Variants in GNG7 observed in about 807,000 individuals in gnomAD.
GNG7 encodes the protein guanine nucleotide-binding protein G(I)/G(S)/G(O) subunit gamma-7.
In GNG7, 1 loss-of-function variant was observed where a neutral mutation model predicts 4.0. The observed-to-expected ratio is 0.25, with a 90% CI of 0.09 to 1.18. The LOEUF (loss-of-function observed/expected upper bound fraction) is 1.18. GNG7 is among the 50% of genes most tolerant of loss of function. The pLI, the probability that GNG7 is intolerant of heterozygous loss-of-function variation, is 0.50. For synonymous variants in GNG7, 34 were observed against 36.9 expected (o/e 0.92, Z 0.29); for missense variants, 86 against 91.9 (o/e 0.94, Z 0.26).
intron 2 of GNG7, among the ~76,000 whole-genome samples, chr19:2,596,896 CT>C (rs904316336): frequency 7.2e-5 from 11 of 152,080 alleles, no homozygotes; most frequent in Non-Finnish European, 1.5e-4. Flanking sequence ...ACAAATTTTA[CT>C]TTTTTTATGG....
chr19:2,596,580 G>A (rs1333488392), intron 2 of GNG7, among the ~76,000 whole-genome samples: 1 of 151,678 alleles, frequency 6.6e-6, no homozygotes, highest in Non-Finnish European at 1.5e-5. Flanking sequence ...GAGGTGGGAG[G>A]ATCGCTTGAG....
intron 1 of GNG7, among the ~76,000 whole-genome samples, chr19:2,658,133 T>C (rs1983043911): frequency 6.6e-6 from 1 of 152,092 alleles, no homozygotes; most frequent in African/African-American, 2.4e-5. Context: ...CTTTGTCTTG[T>C]GTCTTTATTT....
intron 3 of GNG7, among the ~76,000 whole-genome samples, chr19:2,527,971 T>C (rs1312645357): frequency 1.3e-5 from 2 of 151,866 alleles, no homozygotes; most frequent in Admixed American, 1.3e-4. Flanking sequence ...AAATAAATGG[T>C]ACTGAATGAA....
chr19:2,625,234 A>G (rs1981987132), intron 2 of GNG7, among the ~76,000 whole-genome samples: 1 of 152,038 alleles, frequency 6.6e-6, no homozygotes, highest in African/African-American at 2.4e-5. Context: ...GCACCCGGCT[A>G]ATTTTTAAAA....
At chr19:2,521,140 C>T (rs1157663728) in intron 3 of GNG7, among the ~76,000 whole-genome samples, 3 of 151,396 alleles carry the variant, frequency 2.0e-5, no homozygotes. Context: ...GTGGTGGGTG[C>T]CTATAGTCCC....
At chr19:2,582,627 T>G (rs1489269959) in intron 2 of GNG7, among the ~76,000 whole-genome samples, 1 of 148,626 alleles carries the variant, frequency 6.7e-6, no homozygotes, top group Admixed American at 6.9e-5. Context: ...GGACTACAGG[T>G]GCATGCCACC....
chr19:2,681,439 T>C (rs1021924065), intron 1 of GNG7, among the ~76,000 whole-genome samples: 3 of 152,164 alleles, frequency 2.0e-5, no homozygotes, highest in Admixed American at 2.0e-4. Flanking sequence ...CGCCTCGGCC[T>C]CCCAAAGTGC....
Position 2,603,089 on chromosome 19 carries a change from G to T in GNG7, c.-78+43135C>A, listed in dbSNP as rs576194047. Reference sequence around the variant, plus strand: ...GTTCTGTTCTGTTCTTTTTTTTGATGGAGTTTCGCTCTTGTTGCCCAGGCT... The same window carrying T: ...GTTCTGTTCTGTTCTTTTTTTTGATTGAGTTTCGCTCTTGTTGCCCAGGCT... On this transcript the variant is annotated intron_variant, in intron 2 of 4. Transcript: ENST00000382159. 2.1e-5 allele frequency among the ~76,000 whole-genome samples: 3 copies of T among 144,478 alleles called. No individual in the cohort carries two copies. In the South Asian group the frequency reaches 6.6e-4, roughly 32 times the overall value. The allele number at this position is 144,478 out of a possible 152,430, so 94.8% of individuals were successfully genotyped here. A position where few individuals can be genotyped will look rare whatever the true frequency, so the allele number is the denominator to read the frequency against.
At chr19:2,550,207 C>T (rs112069517) in intron 3 of GNG7, among the ~76,000 whole-genome samples, 85 of 152,252 alleles carry the variant, frequency 5.6e-4, no homozygotes, top group African/African-American at 1.9e-3. Flanking sequence ...ATCCAGCCCC[C>T]GTGGCGACCC....
chr19:2,527,783 C>G (rs577598412), intron 3 of GNG7, among the ~76,000 whole-genome samples: 3 of 151,776 alleles, frequency 2.0e-5, no homozygotes, highest in South Asian at 2.1e-4. Context: ...AACCCCCCCC[C>G]CCACCAGTGC....
chr19:2,663,356 CTCT>C (rs2144881365), intron 1 of GNG7, among the ~76,000 whole-genome samples: 1 of 151,856 alleles, frequency 6.6e-6, no homozygotes, highest in South Asian at 2.1e-4. Flanking sequence ...CCCCCCCCTC[CTCT>C]TTCTTCCCCA....
chr19:2,670,618 G>A (rs1468179067), intron 1 of GNG7, among the ~76,000 whole-genome samples: 2 of 151,766 alleles, frequency 1.3e-5, no homozygotes, highest in Admixed American at 6.5e-5. Flanking sequence ...GGGTCACTTT[G>A]GTCCAGGGTC....
intron 1 of GNG7, among the ~76,000 whole-genome samples, chr19:2,682,508 C>CA (rs1983763922): frequency 6.7e-6 from 1 of 150,280 alleles, no homozygotes; most frequent in South Asian, 2.1e-4. Context: ...ACTAGAAATA[C>CA]AAAAATTGGC....
intron 3 of GNG7, among the ~76,000 whole-genome samples, chr19:2,551,554 T>TAAA (rs1979319821): frequency 6.8e-6 from 1 of 147,182 alleles, no homozygotes; most frequent in African/African-American, 2.4e-5. Context: ...TATTTATTAA[T>TAAA]ATATATTTAT....
chr19:2,574,366 C>T (rs999830764), intron 2 of GNG7, among the ~76,000 whole-genome samples: 4 of 152,148 alleles, frequency 2.6e-5, no homozygotes, highest in Non-Finnish European at 5.9e-5. Context: ...AACTCTGTCC[C>T]CATGAAACAC....
rs148286861 is a variant in GNG7, at chr19:2,623,968, C to T, written c.-78+22256G>A. On this transcript the variant is annotated intron_variant, in intron 2 of 4. Transcript: ENST00000382159. ...CAGAGACAGTCCATCTGTTGATGGA[C>T]GCTTGAGTTGCTTCCACCTTTTGGC... Among the ~76,000 whole-genome samples, 563 of 152,186 alleles carry T rather than the reference C, an allele frequency of 3.7e-3. 5 individuals carry two copies. The highest frequency in any genetic ancestry group is 0.013 in the African/African-American group (535 of 41,508).
chr19:2,673,528 A>G (rs1394073690), intron 1 of GNG7, among the ~76,000 whole-genome samples: 2 of 151,930 alleles, frequency 1.3e-5, no homozygotes, highest in African/African-American at 4.8e-5. Flanking sequence ...CCCTGCCTCT[A>G]TTAAAAATAC....
At chr19:2,683,454 C>G (rs1279036728) in intron 1 of GNG7, 1 of 152,186 alleles carries the variant, frequency 6.6e-6, no homozygotes, top group African/African-American at 2.4e-5. Context: ...TAGATACTCT[C>G]CACGCCTTCT....
intron 3 of GNG7, among the ~76,000 whole-genome samples, chr19:2,554,147 C>CTATAATATATTATA (rs1317767757): frequency 3.7e-4 from 54 of 145,604 alleles, no homozygotes; most frequent in South Asian, 1.3e-3. Context: ...TAGCAGTGAA[C>CTATAATATATTATA]TATAATATAT....
Sources: allele counts gnomAD v4.1 joint callset (sites outside exome capture counted in the v4.1 genomes callset), GRCh38; gene constraint gnomAD v4.1.1; transcripts MANE v1.5; gene names NCBI Gene and HGNC (gene_info 2026-07-23, HGNC 2026-07-21).